Variants in UBE2E2 observed in about 807,000 individuals in gnomAD.
UBE2E2 encodes ubiquitin conjugating enzyme E2 E2.
In UBE2E2, 6 loss-of-function variants were observed where a neutral mutation model predicts 24.7. That is an observed-to-expected ratio of 0.24 (90% CI 0.13 to 0.48). The LOEUF (loss-of-function observed/expected upper bound fraction) is 0.48, where lower values mean the gene tolerates loss of function less well. Ranked by LOEUF, UBE2E2 falls within the 20% of genes least tolerant of loss-of-function variation. UBE2E2 has a pLI of 0.99. For missense variants in UBE2E2, 169 were observed against 245.0 expected, an observed-to-expected ratio of 0.69 and a Z score of 2.07; for synonymous variants, 104 against 83.6, an observed-to-expected ratio of 1.24 and a Z score of -1.33.
chr3:23,587,192 G>A (rs186230132), intron 5 of UBE2E2, among the ~76,000 whole-genome samples: 6 of 152,242 alleles, frequency 3.9e-5, no homozygotes, highest in African/African-American at 1.2e-4. Context: ...TTTGCACAAC[G>A]CACGCTAATT....
chr3:23,366,617 G>A lies in UBE2E2; in HGVS notation c.228-132991G>A, dbSNP rs892467719. The stretch of plus-strand genomic sequence containing the variant: ...TACAACAGACACCAGAGCCTCCTAG[G>A]GTGGAGGGTGGGAGGAGGGAGGGGA... On this transcript the variant is annotated intron_variant, in intron 3 of 5. Coordinates refer to ENST00000396703, the MANE Select transcript of UBE2E2 (RefSeq NM_152653.4). Among the ~76,000 whole-genome samples the A allele has an allele frequency of 5.9e-5, 9 of 152,232 alleles. 1 individual carries two copies. The South Asian group carries it at 1.9e-3, about 32-fold the overall frequency.
At chr3:23,445,728 A>G (rs1698414076) in intron 3 of UBE2E2, among the ~76,000 whole-genome samples, 3 of 152,080 alleles carry the variant, frequency 2.0e-5, no homozygotes, top group African/African-American at 7.2e-5. Context: ...CCTAATCCCA[A>G]ATATACCATT....
intron 3 of UBE2E2, among the ~76,000 whole-genome samples, chr3:23,352,680 C>T (rs1200090054): frequency 6.6e-5 from 10 of 152,082 alleles, no homozygotes; most frequent in Admixed American, 6.5e-4. Context: ...CAAGACTAAA[C>T]CAGGAAGAAG....
chr3:23,221,864 A>G (rs752910159), intron 3 of UBE2E2, among the ~76,000 whole-genome samples: 3 of 152,058 alleles, frequency 2.0e-5, no homozygotes, highest in Non-Finnish European at 4.4e-5. Context: ...CTTGAACTTG[A>G]TTACCCAAGT....
chr3:23,478,433 A>G (rs1484908951), intron 3 of UBE2E2, among the ~76,000 whole-genome samples: 1 of 152,238 alleles, frequency 6.6e-6, no homozygotes, highest in Non-Finnish European at 1.5e-5. Flanking sequence ...GAGTGATAGA[A>G]GAGGATAGTG....
chr3:23,220,929 G>A (rs543877333), intron 3 of UBE2E2, among the ~76,000 whole-genome samples: 1 of 152,238 alleles, frequency 6.6e-6, no homozygotes, highest in East Asian at 1.9e-4. Flanking sequence ...GGCAGCTAGT[G>A]GGCCAGCAAA....
At chr3:23,434,886 T>A (rs1185785610) in intron 3 of UBE2E2, among the ~76,000 whole-genome samples, 1 of 152,240 alleles carries the variant, frequency 6.6e-6, no homozygotes, top group Non-Finnish European at 1.5e-5. Flanking sequence ...CACAGAATGT[T>A]AGCTCATTAA....
chr3:23,245,032 T>A (rs1280913572), intron 3 of UBE2E2, among the ~76,000 whole-genome samples: 1 of 152,152 alleles, frequency 6.6e-6, no homozygotes, highest in Non-Finnish European at 1.5e-5. Context: ...CCTTATTTTC[T>A]TCTTATGTAA....
At chr3:23,390,854 A>G (rs576359924) in intron 3 of UBE2E2, among the ~76,000 whole-genome samples, 1 of 152,360 alleles carries the variant, frequency 6.6e-6, no homozygotes, top group South Asian at 2.1e-4. Context: ...GAACATGACA[A>G]GAAACATCAT....
intron 5 of UBE2E2, among the ~76,000 whole-genome samples, chr3:23,586,475 T>C (rs1696630278): frequency 6.6e-6 from 1 of 151,980 alleles, no homozygotes; most frequent in Admixed American, 6.6e-5. Flanking sequence ...TTGTTATTTT[T>C]TTGTGGAGTT....
intron 4 of UBE2E2, among the ~76,000 whole-genome samples, chr3:23,505,199 G>T (rs1480730932): frequency 6.6e-6 from 1 of 151,568 alleles, no homozygotes; most frequent in Non-Finnish European, 1.5e-5. Flanking sequence ...GGAATTACAG[G>T]CATGAGCCAC....
chr3:23,305,345 A>G (rs1406640415), intron 3 of UBE2E2, among the ~76,000 whole-genome samples: 1 of 152,214 alleles, frequency 6.6e-6, no homozygotes, highest in East Asian at 1.9e-4. Context: ...GAAATGCTTT[A>G]TGCATGCTCA....
intron 3 of UBE2E2, among the ~76,000 whole-genome samples, chr3:23,462,701 C>G (rs1346309600): frequency 6.6e-6 from 1 of 152,140 alleles, no homozygotes; most frequent in African/African-American, 2.4e-5. Context: ...AAAAAAAATA[C>G]TTTTGATGCC....
chr3:23,363,320 C>T (rs1696171682), intron 3 of UBE2E2, among the ~76,000 whole-genome samples: 1 of 152,174 alleles, frequency 6.6e-6, no homozygotes, highest in African/African-American at 2.4e-5. Flanking sequence ...TGAATGCAAA[C>T]AGGCTGAAAG....
chr3:23,351,401 G>A (rs1319617127), intron 3 of UBE2E2, among the ~76,000 whole-genome samples: 1 of 152,194 alleles, frequency 6.6e-6, no homozygotes, highest in Non-Finnish European at 1.5e-5. Context: ...AACTTTAAAT[G>A]TAAATGGACT....
rs887851685 is a variant in UBE2E2, at chr3:23,574,510, CTACT to C, written c.509-15223_509-15220del. ...TCATGTACCCCATCAATATATACAC[CTACT>C]ATGTACCCACAAACATTAAAAATTA... On this transcript the variant is annotated intron_variant, in intron 5 of 5. Coordinates refer to ENST00000396703, the MANE Select transcript of UBE2E2 (RefSeq NM_152653.4). Among the ~76,000 whole-genome samples the C allele has an allele frequency of 1.2e-3, 182 of 152,164 alleles. 2 individuals carry two copies. Among genetic ancestry groups the C allele is most frequent in the Non-Finnish European group, 2.5e-4 (17 of 68,002 alleles).
chr3:23,319,866 A>G (rs949625546), intron 3 of UBE2E2, among the ~76,000 whole-genome samples: 6 of 152,048 alleles, frequency 3.9e-5, no homozygotes, highest in African/African-American at 1.4e-4. Flanking sequence ...AAAAAACCAA[A>G]AAACAACTAT....
At chr3:23,488,106 C>T (rs546177312) in intron 3 of UBE2E2, among the ~76,000 whole-genome samples, 7 of 151,988 alleles carry the variant, frequency 4.6e-5, no homozygotes, top group Non-Finnish European at 7.4e-5. Flanking sequence ...AAGATGTTCT[C>T]AGCCAAAGAG....
At chr3:23,496,220 A>G (rs1030544213) in intron 3 of UBE2E2, among the ~76,000 whole-genome samples, 3 of 152,196 alleles carry the variant, frequency 2.0e-5, no homozygotes, top group Non-Finnish European at 4.4e-5. Flanking sequence ...TTTTCTCACC[A>G]TATTGGTAGA....
Sources: allele counts gnomAD v4.1 joint callset (sites outside exome capture counted in the v4.1 genomes callset), GRCh38; gene constraint gnomAD v4.1.1; transcripts MANE v1.5; gene names NCBI Gene and HGNC (gene_info 2026-07-23, HGNC 2026-07-21).